Variants in PKIG observed in about 807,000 individuals in gnomAD.
The protein encoded by PKIG is protein kinase (cAMP-dependent, catalytic) inhibitor gamma.
PKIG carries 1 observed loss-of-function variant against 6.8 expected under a neutral mutation model. The ratio of observed to expected loss-of-function variants is 0.15; its 90% CI spans 0.05 to 0.69. The LOEUF (loss-of-function observed/expected upper bound fraction) is 0.69, where lower values mean the gene tolerates loss of function less well. PKIG is among the 30% of genes least tolerant of loss of function. The probability of loss-of-function intolerance (pLI) is 0.82; values close to 1 mark genes in which losing one functional copy is unlikely to be tolerated. For synonymous variants in PKIG, 39 were observed against 43.0 expected (o/e 0.91, Z 0.36); for missense variants, 77 against 104.0 (o/e 0.74, Z 1.13).
intron 1 of PKIG, among the ~76,000 whole-genome samples, chr20:44,554,906 G>C (rs557751014): frequency 8.7e-4 from 133 of 152,244 alleles, no homozygotes; most frequent in African/African-American, 3.1e-3. Flanking sequence ...TCATCTTATT[G>C]ATTTACTTTT....
At chr20:44,562,931 T>C (rs1384135589) in intron 1 of PKIG, among the ~76,000 whole-genome samples, 2 of 152,070 alleles carry the variant, frequency 1.3e-5, no homozygotes, top group Non-Finnish European at 2.9e-5. Flanking sequence ...TGGTGGCCTG[T>C]GCCAGCTGCT....
intron 1 of PKIG, among the ~76,000 whole-genome samples, chr20:44,541,015 C>A (rs2064557003): frequency 2.0e-5 from 3 of 152,150 alleles, no homozygotes; most frequent in Admixed American, 2.0e-4. Flanking sequence ...TAGGACCAGG[C>A]AGGAATGAGT....
chr20:44,555,571 T>C (rs1014572133), intron 1 of PKIG, among the ~76,000 whole-genome samples: 1 of 152,206 alleles, frequency 6.6e-6, no homozygotes, highest in African/African-American at 2.4e-5. Flanking sequence ...TGATTTAAGC[T>C]CACCCACAGT....
At chr20:44,596,360 C>T (rs570812895) in intron 2 of PKIG, among the ~76,000 whole-genome samples, 30 of 152,346 alleles carry the variant, frequency 2.0e-4, no homozygotes, top group Admixed American at 9.8e-4. Context: ...AAAGGGCCTA[C>T]GCCCCAGGCT....
intron 1 of PKIG, among the ~76,000 whole-genome samples, chr20:44,559,633 G>T (rs2064749146): frequency 6.6e-6 from 1 of 152,178 alleles, no homozygotes; most frequent in Non-Finnish European, 1.5e-5. Context: ...GCACAATGGG[G>T]AAGTACCCCC....
At chr20:44,566,102 A>G (rs1001472071) in intron 1 of PKIG, among the ~76,000 whole-genome samples, 3 of 152,234 alleles carry the variant, frequency 2.0e-5, no homozygotes, top group Non-Finnish European at 4.4e-5. Flanking sequence ...ATTGCATGCC[A>G]CTAACTACCC....
chr20:44,534,486 T>G (rs571966754), intron 1 of PKIG, among the ~76,000 whole-genome samples: 70 of 152,006 alleles, frequency 4.6e-4, no homozygotes, highest in African/African-American at 1.5e-3. Flanking sequence ...TTTTTTTTTT[T>G]GGGACAGGGT....
At chr20:44,551,549 C>G (rs574538093) in intron 1 of PKIG, among the ~76,000 whole-genome samples, 2 of 152,228 alleles carry the variant, frequency 1.3e-5, no homozygotes, top group African/African-American at 4.8e-5. Context: ...AAGACAGCCC[C>G]TCAATTTGCT....
At chr20:44,546,555 G>T (rs2064615627) in intron 1 of PKIG, among the ~76,000 whole-genome samples, 1 of 122,062 alleles carries the variant, frequency 8.2e-6, no homozygotes, top group African/African-American at 4.0e-5. Flanking sequence ...TTGTTTTTTT[G>T]AGTTCTTTTT....
chr20:44,532,033 A>G (rs2064470512), intron 1 of PKIG: 1 of 152,156 alleles, frequency 6.6e-6, no homozygotes, highest in Non-Finnish European at 1.5e-5. Flanking sequence ...CCTGGCGTCG[A>G]CACGTCGCAG....
rs944875018 is a variant in PKIG, at chr20:44,573,545, G to A, written c.-240-9040G>A. 5.9e-5 allele frequency among the ~76,000 whole-genome samples: 9 copies of A among 152,226 alleles called. No homozygotes were observed. In the South Asian group the frequency reaches 6.2e-4, roughly 10 times the overall value. The stretch of plus-strand genomic sequence containing the variant: ...TCTTGGGGTTGATGAGAAAATTTAT[G>A]TAAAGGTACTTTCTGGACTATACCG... On this transcript the variant is annotated intron_variant, in intron 1 of 4. Coordinates refer to the PKIG transcript ENST00000372887.
At chr20:44,598,958 A>G (rs963691208) in intron 2 of PKIG, 9 of 152,224 alleles carry the variant, frequency 5.9e-5, no homozygotes, top group African/African-American at 2.2e-4. Context: ...TTAGATACCA[A>G]AGAGTAGAAT....
At chr20:44,572,384 A>G (rs994890719) in intron 1 of PKIG, among the ~76,000 whole-genome samples, 7 of 152,250 alleles carry the variant, frequency 4.6e-5, no homozygotes, top group Admixed American at 3.9e-4. Context: ...TTTATAGAAT[A>G]TACATGTATT....
At chr20:44,609,876 A>C (rs2065198504) in intron 2 of PKIG, among the ~76,000 whole-genome samples, 1 of 152,238 alleles carries the variant, frequency 6.6e-6, no homozygotes, top group Non-Finnish European at 1.5e-5. Context: ...AGCTGTGGCC[A>C]CTGAGTGCGT....
chr20:44,582,896 G>C (rs2064960311), intron 1 of PKIG, among the ~76,000 whole-genome samples, 165 bp downstream of exon 1: 1 of 152,138 alleles, frequency 6.6e-6, no homozygotes, highest in Non-Finnish European at 1.5e-5. Context: ...GGCCTTGTCT[G>C]AAACTGCCTA....
At chr20:44,569,946 A>G (rs2064841222) in intron 1 of PKIG, among the ~76,000 whole-genome samples, 2 of 152,196 alleles carry the variant, frequency 1.3e-5, no homozygotes. Context: ...CTGGCGACAC[A>G]GTGAGACCCT....
chr20:44,601,470 T>G (rs2123428211), intron 2 of PKIG, among the ~76,000 whole-genome samples: 1 of 152,366 alleles, frequency 6.6e-6, no homozygotes, highest in Admixed American at 6.5e-5. Flanking sequence ...CCCTCCCTTT[T>G]CCCAGGTTCT....
At chr20:44,582,752 C>T (rs933957234) in intron 1 of PKIG, 21 bp downstream of exon 1, 6 of 152,376 alleles carry the variant, frequency 3.9e-5, no homozygotes, top group South Asian at 2.1e-4. Context: ...CTTTACTCTC[C>T]TCCCCTGCCC....
intron 1 of PKIG, among the ~76,000 whole-genome samples, chr20:44,576,496 A>G (rs971072824): frequency 2.0e-5 from 3 of 152,134 alleles, no homozygotes; most frequent in Non-Finnish European, 2.9e-5. Context: ...CCAAAATAAG[A>G]GGGAAGAGCC....
Sources: gnomAD v4.1 joint callset for allele counts (sites outside exome capture counted in the v4.1 genomes callset) on GRCh38, gnomAD v4.1.1 for gene constraint, MANE v1.5 for transcripts, NCBI Gene and HGNC (gene_info 2026-07-23, HGNC 2026-07-21) for gene names.